TULP2: variants seen among roughly 807,000 people sequenced by gnomAD.
TULP2 encodes tubby-related protein 2.
TULP2 carries 64 observed loss-of-function variants against 60.3 expected under a neutral mutation model. That is an observed-to-expected ratio of 1.06 (90% CI 0.87 to 1.31). The LOEUF (loss-of-function observed/expected upper bound fraction) is 1.31, where lower values mean the gene tolerates loss of function less well. Ranked by LOEUF, TULP2 falls within the 50% of genes most tolerant of loss-of-function variation. TULP2 has a pLI of 0.00. For missense variants in TULP2, 652 were observed against 667.0 expected (o/e 0.98, Z 0.25); for synonymous variants, 267 against 265.4 (o/e 1.01, Z -0.06).
At chr19:48,888,407 G>C in intron 7 of TULP2, 146 bp from the exon 8 acceptor site, 1 of 781,136 alleles carries the variant, frequency 1.3e-6, no homozygotes, top group South Asian at 1.9e-5. Flanking sequence ...AGTCCACCCA[G>C]TCACGCCCTC....
intron 9 of TULP2, 140 bp downstream of exon 9, chr19:48,885,308 A>T: frequency 1.6e-6 from 1 of 644,216 alleles, no homozygotes; most frequent in Non-Finnish European, 2.7e-6. Context: ...CTTAAATGCC[A>T]GCCTACGTTC....
At position 48,897,423 on chromosome 19, in the gene TULP2, C is replaced by T. The variant is rs768709546; in HGVS notation, c.33-27G>A. 1.9e-6 allele frequency: 3 copies of T among 1,612,676 alleles called. No homozygotes were observed. In the South Asian group the frequency reaches 3.3e-5, roughly 18 times the overall value. On this transcript the variant is annotated intron_variant, in intron 2 of 12. Transcript: ENST00000221399. This position sits in a 1 kb window ranked among gnomAD's most constrained non-coding sequence, Gnocchi z 4.0. The stretch of plus-strand genomic sequence containing the variant: ...TGAGAGAGACACAGGCCCATGGTGA[C>T]AGTGCACAGGGAACCTCGGTTGCCC...
intron 9 of TULP2, 119 bp downstream of exon 9, chr19:48,885,329 A>T: frequency 1.3e-6 from 1 of 771,722 alleles, no homozygotes; most frequent in Non-Finnish European, 2.2e-6. Context: ...CAAACCCTTC[A>T]GTTCTTCTGG....
rs1176075712 is a variant in TULP2 at position 48,884,064 on chromosome 19, T to C, written c.1062-18A>G. ...CATTGGATCTGCTCCAGGAAGGGAA[T>C]GGATAGAATAAAAATACTAAGTGTT... On this transcript the variant is annotated intron_variant, in intron 9 of 12. Coordinates refer to ENST00000221399, the MANE Select transcript of TULP2 (RefSeq NM_003323.3). 1 of 1,600,504 alleles carries C rather than the reference T, an allele frequency of 6.2e-7. No individual in the cohort carries two copies. The highest frequency in any genetic ancestry group is 2.2e-5 in the East Asian group (1 of 44,694).
chr19:48,887,228 G>A (rs1463389765), intron 8 of TULP2, among the ~76,000 whole-genome samples: 1 of 147,954 alleles, frequency 6.8e-6, no homozygotes, highest in Non-Finnish European at 1.5e-5. Flanking sequence ...GGCCAGGCTG[G>A]TCTCGAACTC....
In TULP2 at chr19:48,895,408, C is replaced by G. The variant is rs867763218; in HGVS notation, c.307G>C (p.Gly103Arg). 2.5e-6 allele frequency: 4 copies of G among 1,613,984 alleles called. No homozygotes were observed. Among genetic ancestry groups the G allele is most frequent in the South Asian group, 1.1e-5 (1 of 91,080 alleles). The change falls in exon 5 of 13, where the codon GGC becomes CGC. Residue 103 changes from glycine (G) to arginine (R), a missense_variant. Coordinates refer to ENST00000221399, the MANE Select transcript of TULP2 (RefSeq NM_003323.3). ...GTCGGGAGGCCGCGCTCGCCCCTGCCGTCTCCACCACAGCTCACGGTGCCC... is the reference window on the plus strand; with the variant it reads ...GTCGGGAGGCCGCGCTCGCCCCTGCGGTCTCCACCACAGCTCACGGTGCCC... ...ALGTVSCGGD[G>R]RGERGLPTPR...
chr19:48,888,323 G>T, intron 7 of TULP2, 62 bp from the exon 8 acceptor site: 8 of 1,503,892 alleles, frequency 5.3e-6, no homozygotes, highest in Non-Finnish European at 7.2e-6. Context: ...GCTTACTACT[G>T]ATTGACCATC....
chr19:48,887,837 C>T (rs1009196275), intron 8 of TULP2, 113 bp downstream of exon 8: 3 of 1,169,490 alleles, frequency 2.6e-6, no homozygotes, highest in Admixed American at 2.4e-5. Flanking sequence ...GGATTATAGG[C>T]GTGAGCCACT....
rs1326532966 is a variant in TULP2 at position 48,888,227 on chromosome 19, T to C, written c.671A>G (p.Glu224Gly). The C allele has an allele frequency of 1.1e-5, 17 of 1,602,022 alleles. No individual in the cohort carries two copies. Among genetic ancestry groups the C allele is most frequent in the Non-Finnish European group, 1.5e-5 (17 of 1,170,946 alleles). The change falls in exon 8 of 13, where the codon GAG (glutamate) becomes GGG (glycine). Residue 224 changes from glutamate (E) to glycine (G), a missense_variant. Physicochemically the swap from Glu to Gly is moderately conservative, Grantham distance 98. Transcript: ENST00000221399. ...EDLEKKREAS[E>G]STGTNSSAAH... is the part of the protein sequence containing the mutation. ...TGCTGAGGAGTTCGTCCCTGTAGAC[T>C]CAGAGGCCTCTCTCTTCTTTTCCAA... is the stretch of plus-strand genomic sequence containing the variant.
At chr19:48,881,910 T>C (rs1407482301) in intron 12 of TULP2, 122 bp downstream of exon 12, 10 of 1,280,958 alleles carry the variant, frequency 7.8e-6, no homozygotes, top group Non-Finnish European at 1.0e-5. Context: ...GGCTTTGCAA[T>C]AGGGTGGCAT....
At chr19:48,896,170 A>T (rs1002102691) in intron 4 of TULP2, among the ~76,000 whole-genome samples, 4 of 150,706 alleles carry the variant, frequency 2.7e-5, no homozygotes, top group Non-Finnish European at 5.9e-5. Context: ...TTCCCCTGCT[A>T]GTTGTACCAT....
chr19:48,886,788 G>T (rs1235153889), intron 8 of TULP2, among the ~76,000 whole-genome samples: 1 of 150,014 alleles, frequency 6.7e-6, no homozygotes, highest in Non-Finnish European at 1.5e-5. Flanking sequence ...TTTGACACAA[G>T]ATCTCCACCT....
chr19:48,887,785 G>A (rs905007200), intron 8 of TULP2, among the ~76,000 whole-genome samples, 165 bp downstream of exon 8: 3 of 151,960 alleles, frequency 2.0e-5, no homozygotes, highest in African/African-American at 7.2e-5. Flanking sequence ...CTTGAACTCC[G>A]GACCTCAGGT....
Position 48,888,016 on chromosome 19 carries a change from C to G in TULP2, c.882G>C (p.Lys294Asn), listed in dbSNP as rs368239551. ...TMMQCYLTRD[K>N]HGVDKGLFPL... ...GGAACAAGCCCTTGTCCACGCCGTG[C>G]TTGTCACGGGTGAGGTAGCACTGCA... Residue 294 changes from lysine (K) to asparagine (N), a missense_variant, in exon 8 of 13, where the codon AAG (lysine) becomes AAC (asparagine). Coordinates refer to ENST00000221399, the MANE Select transcript of TULP2 (RefSeq NM_003323.3). The G allele has an allele frequency of 2.5e-6, 4 of 1,614,246 alleles. No homozygotes were observed. Among genetic ancestry groups the G allele is most frequent in the Admixed American group, 3.3e-5 (2 of 60,028 alleles).
At position 48,881,138 on chromosome 19, in the gene TULP2, A is replaced by C. The variant is rs2037126146; in HGVS notation, c.1448-12T>G. The stretch of plus-strand genomic sequence containing the variant: ...CACCAGATGTTCTTCTGAGAAGTGA[A>C]TCAGGAACAAAGCCTTAGCCTGACT... On this transcript the variant is annotated splice_polypyrimidine_tract_variant and intron_variant, in intron 12 of 12. Transcript: ENST00000221399. 7 of 1,599,518 alleles carry C rather than the reference A, an allele frequency of 4.4e-6. No individual in the cohort carries two copies. Among genetic ancestry groups the C allele is most frequent in the Non-Finnish European group, 6.0e-6 (7 of 1,168,132 alleles).
chr19:48,883,719 C>T (rs1322436698), intron 11 of TULP2, 35 bp downstream of exon 11: 6 of 1,611,280 alleles, frequency 3.7e-6, no homozygotes, highest in Non-Finnish European at 4.2e-6. Flanking sequence ...GCCCCTTCTC[C>T]ATTGACCCAG....
intron 7 of TULP2, 56 bp from the exon 8 acceptor site, chr19:48,888,317 A>T: frequency 6.6e-7 from 1 of 1,518,288 alleles, no homozygotes; most frequent in Non-Finnish European, 8.9e-7. Context: ...AGCCTTGCTT[A>T]CTACTGATTG....
rs998107562 is a variant in TULP2 at position 48,887,122 on chromosome 19, C to T, written c.948+828G>A. 4.7e-5 allele frequency among the ~76,000 whole-genome samples: 7 copies of T among 150,190 alleles called. No homozygotes were observed. In the South Asian group the frequency reaches 1.5e-3, roughly 32 times the overall value. The stretch of plus-strand genomic sequence containing the variant: ...CCGCCTTCGAGTTTCAAGCATTCTC[C>T]TGCCTCAGCCTCCTGAGTAGCTGGG... On this transcript the variant is annotated intron_variant, in intron 8 of 12. Transcript: ENST00000221399.
rs2037184550 is a variant in TULP2 at position 48,886,918 on chromosome 19, T to G, written c.948+1032A>C. On this transcript the variant is annotated intron_variant, in intron 8 of 12. Coordinates refer to ENST00000221399, the MANE Select transcript of TULP2 (RefSeq NM_003323.3). ...TTGTAGAGACAGGGTTCCACCTTGC[T>G]GCCCAAGCTGATCTGGAACTTGTCA... Among the ~76,000 whole-genome samples the G allele has an allele frequency of 2.7e-5, 4 of 150,812 alleles. No individual in the cohort carries two copies. In the South Asian group the frequency reaches 8.4e-4, roughly 32 times the overall value.
Sources: gnomAD v4.1 joint callset for allele counts (sites outside exome capture counted in the v4.1 genomes callset) on GRCh38, gnomAD v4.1.1 for gene constraint, Gnocchi (gnomAD v3.1) non-coding constraint, MANE v1.5 for transcripts, NCBI Gene and HGNC (gene_info 2026-07-23, HGNC 2026-07-21) for gene names.